ABHD2: variants seen among roughly 807,000 people sequenced by gnomAD.
ABHD2 encodes abhydrolase domain containing 2, acylglycerol lipase, also known as monoacylglycerol lipase ABHD2.
Under a neutral mutation model 48.1 loss-of-function variants are expected in ABHD2, and 20 were observed. The ratio of observed to expected loss-of-function variants is 0.42; its 90% confidence interval spans 0.29 to 0.60. The LOEUF (loss-of-function observed/expected upper bound fraction) is 0.60. Among genes scored for constraint, ABHD2 ranks in the 20% least tolerant of loss-of-function variants. ABHD2 has a pLI of 0.24. For synonymous variants in ABHD2, 209 were observed against 214.2 expected (o/e 0.98, Z 0.21); for missense variants, 405 against 550.9 (o/e 0.74, Z 2.65).
At chr15:89,136,310 A>G in intron 3 of ABHD2, 1 of 464,750 alleles carries the variant, frequency 2.2e-6, no homozygotes, top group Non-Finnish European at 4.3e-6. Flanking sequence ...CCTTTGCCAT[A>G]TCTTCGAATT....
chr15:89,043,348 C>T, the ABHD2 span, among the ~76,000 whole-genome samples: 1 of 152,048 alleles, frequency 6.6e-6, no homozygotes, highest in Non-Finnish European at 1.5e-5. Flanking sequence ...ATTACTTTAG[C>T]CCAGGAATTC....
chr15:89,100,936 A>G lies in ABHD2; in HGVS notation c.-107+12373A>G, dbSNP rs990258654. Among the ~76,000 whole-genome samples, 1 of 152,170 alleles carries G rather than the reference A, an allele frequency of 6.6e-6. No individual in the cohort carries two copies. The highest frequency in any genetic ancestry group is 2.1e-4 in the South Asian group (1 of 4,832). On this transcript the variant is annotated intron_variant, in intron 1 of 10. Transcript: ENST00000352732. This position sits in a 1 kb window ranked among gnomAD's most constrained non-coding sequence, Gnocchi z 4.4. ...TCTAGGTTAAACTACAGTTAATGGT[A>G]TTGAGTTTTATATTTTCTGGACCAA...
chr15:89,130,852 A>G (rs937173406), intron 3 of ABHD2, among the ~76,000 whole-genome samples: 2 of 152,122 alleles, frequency 1.3e-5, no homozygotes, highest in African/African-American at 4.8e-5. Context: ...GGGAAGCCAA[A>G]ACATTAGACA....
At chr15:89,183,385 ATATATATATATATAT>A (rs1051514751) in intron 6 of ABHD2, 6 of 17,964 alleles carry the variant, frequency 3.3e-4, no homozygotes, top group African/African-American at 1.9e-3. Context: ...AAAAAAAAAA[ATATATATATATATAT>A]ATATATATAT....
In ABHD2 at chr15:89,151,880, G is replaced by A. The variant is rs1320431493; in HGVS notation, c.370+28G>A. 5.6e-6 allele frequency: 9 copies of A among 1,608,466 alleles called. No homozygotes were observed. In the African/African-American group the frequency reaches 1.1e-4, roughly 19 times the overall value. The stretch of plus-strand genomic sequence containing the variant: ...GAGCTGCTTTAGATTGTGTGATTGA[G>A]CCATCACTCAGAGAAGGAGCACTAG... On this transcript the variant is annotated intron_variant, in intron 4 of 10. Transcript: ENST00000352732. This position sits in a 1 kb window ranked among gnomAD's most constrained non-coding sequence, Gnocchi z 4.7.
intron 8 of ABHD2, among the ~76,000 whole-genome samples, chr15:89,190,137 T>C (rs1212205765): frequency 6.6e-6 from 1 of 152,078 alleles, no homozygotes; most frequent in African/African-American, 2.4e-5. Flanking sequence ...ATCCACAGCT[T>C]TGGGGGAGGA....
At chr15:89,135,499 T>C (rs2050293391) in intron 3 of ABHD2, 4 of 973,580 alleles carry the variant, frequency 4.1e-6, no homozygotes, top group African/African-American at 1.6e-5. Flanking sequence ...TATGTACAGG[T>C]TAAATGCTTT....
chr15:89,060,733 C>T, the ABHD2 span, among the ~76,000 whole-genome samples: 6 of 151,848 alleles, frequency 4.0e-5, no homozygotes, highest in African/African-American at 1.5e-4. Flanking sequence ...ACACTTGAAA[C>T]GTATAAGAAT....
the ABHD2 span, among the ~76,000 whole-genome samples, chr15:89,062,931 A>G: frequency 1.4e-5 from 2 of 145,604 alleles, no homozygotes; most frequent in African/African-American, 5.1e-5. Flanking sequence ...TCATTTGAGT[A>G]TGTCAGGTCT....
At chr15:89,138,169 G>A (rs907201240) in intron 3 of ABHD2, among the ~76,000 whole-genome samples, 2 of 152,246 alleles carry the variant, frequency 1.3e-5, no homozygotes, top group African/African-American at 4.8e-5. Flanking sequence ...CTGACAAAAT[G>A]TTCTCCTAAA....
At chr15:89,190,873 C>A (rs993651976) in intron 8 of ABHD2, among the ~76,000 whole-genome samples, 3 of 152,142 alleles carry the variant, frequency 2.0e-5, no homozygotes, top group African/African-American at 7.2e-5. Flanking sequence ...TTGCTACCTG[C>A]ATACATTTCA....
intron 5 of ABHD2, among the ~76,000 whole-genome samples, chr15:89,161,885 G>A (rs910496740): frequency 3.5e-4 from 53 of 152,144 alleles, no homozygotes; most frequent in Non-Finnish European, 1.0e-4. Context: ...CCGTTCTGGG[G>A]CCTAGAAGTC....
chr15:89,080,592 C>G, the ABHD2 span, among the ~76,000 whole-genome samples: 5 of 151,894 alleles, frequency 3.3e-5, no homozygotes, highest in Non-Finnish European at 7.4e-5. Context: ...TTATCAAACA[C>G]GAAAGAACAA....
chr15:89,068,754 C>CTTTTTTTTTT, the ABHD2 span, among the ~76,000 whole-genome samples: 423 of 71,384 alleles, frequency 5.9e-3, 61 homozygotes, highest in South Asian at 0.014. Flanking sequence ...CAAGCTTCCT[C>CTTTTTTTTTT]TTTTTTTTTT....
At chr15:89,082,440 C>T in the ABHD2 span, 2 of 152,240 alleles carry the variant, frequency 1.3e-5, no homozygotes, top group African/African-American at 4.8e-5. The surrounding 1 kb of genome is among the most constrained non-coding windows in gnomAD (Gnocchi z 4.4). Flanking sequence ...CCTACTGGGT[C>T]CCTATTTGAC....
chr15:89,202,295 CTG>C lies in ABHD2; in HGVS notation c.*6874_*6875del, dbSNP rs2051473304. On this transcript the variant is annotated 3_prime_UTR_variant, in exon 11 of 11. Transcript: ENST00000352732. ...GAACAAAGATCATTACAAACAAAAA[CTG>C]TAATTTTGTTATATTTGATTCAATG... The C allele has an allele frequency of 6.6e-6, 1 of 152,596 alleles. No individual in the cohort carries two copies. Among genetic ancestry groups the C allele is most frequent in the Non-Finnish European group, 1.5e-5 (1 of 68,396 alleles). 9.5% of individuals were successfully genotyped at this position (152,596 alleles called of 1,614,324 possible). A position where few individuals can be genotyped will look rare whatever the true frequency, so the allele number is the denominator to read the frequency against.
chr15:89,068,752 C>CAGTTTTTTTTTTTTT, the ABHD2 span, among the ~76,000 whole-genome samples: 1 of 85,180 alleles, frequency 1.2e-5, no homozygotes, highest in African/African-American at 4.8e-5. Context: ...GGCAAGCTTC[C>CAGTTTTTTTTTTTTT]TCTTTTTTTT....
Position 89,152,648 on chromosome 15 carries a change from T to A in ABHD2, c.370+796T>A, listed in dbSNP as rs2050612433. ...TGGCGTTTGTTGGATAGCAGTAGAT[T>A]AAAAGGCTCCCAGGTTCCCTTTGCT... On this transcript the variant is annotated intron_variant, in intron 4 of 10. Coordinates refer to ENST00000352732, the MANE Select transcript of ABHD2 (RefSeq NM_152924.5). Among the ~76,000 whole-genome samples the A allele has an allele frequency of 2.0e-5, 3 of 152,064 alleles. No individual in the cohort carries two copies. The South Asian group carries it at 6.2e-4, about 31-fold the overall frequency.
chr15:89,077,961 C>T, the ABHD2 span, among the ~76,000 whole-genome samples: 1,573 of 152,292 alleles, frequency 0.01, 13 homozygotes, highest in Middle Eastern at 0.027. Context: ...TACCAATGCT[C>T]CCTTTCTAGT....
Sources: gnomAD v4.1 joint callset for allele counts (sites outside exome capture counted in the v4.1 genomes callset) on GRCh38, gnomAD v4.1.1 for gene constraint, Gnocchi (gnomAD v3.1) non-coding constraint, MANE v1.5 for transcripts, NCBI Gene and HGNC (gene_info 2026-07-23, HGNC 2026-07-21) for gene names.